PLEKHA7: variants seen among roughly 807,000 people sequenced by gnomAD.
PLEKHA7 encodes the protein pleckstrin homology domain containing A7.
Under a neutral mutation model 170.0 loss-of-function variants are expected in PLEKHA7, and 104 were observed. The observed-to-expected ratio is 0.61, with a 90% CI of 0.52 to 0.72. PLEKHA7 has a LOEUF of 0.72. PLEKHA7 is among the 30% of genes least tolerant of loss of function. The pLI, the probability that PLEKHA7 is intolerant of heterozygous loss-of-function variation, is 0.00. For missense variants in PLEKHA7, 1,615 were observed against 1,671.7 expected (o/e 0.97, Z 0.59); for synonymous variants, 648 against 660.8 (o/e 0.98, Z 0.30).
At chr11:16,839,106 A>G (rs891015731) in intron 9 of PLEKHA7, among the ~76,000 whole-genome samples, 1 of 152,188 alleles carries the variant, frequency 6.6e-6, no homozygotes, top group Non-Finnish European at 1.5e-5. Context: ...TAATACAAAA[A>G]TTTTAAATAC....
rs558754736 is a variant in PLEKHA7, at chr11:16,854,339, G to A, written c.522+550C>T. 1.7e-4 allele frequency among the ~76,000 whole-genome samples: 26 copies of A among 152,292 alleles called. 1 individual carries two copies. The South Asian group carries it at 5.2e-3, about 30-fold the overall frequency. Reference sequence around the variant, plus strand: ...CGGGGAAGGAGAATCTGGTGATAGTGCTGAGGTTTCTAACCTGAGTGCCTG... The same window carrying A: ...CGGGGAAGGAGAATCTGGTGATAGTACTGAGGTTTCTAACCTGAGTGCCTG... On this transcript the variant is annotated intron_variant, in intron 6 of 26. Coordinates refer to ENST00000531066, the MANE Select transcript of PLEKHA7 (RefSeq NM_001329630.2).
chr11:16,935,507 T>G (rs527951825), intron 3 of PLEKHA7, among the ~76,000 whole-genome samples: 1 of 152,354 alleles, frequency 6.6e-6, no homozygotes, highest in African/African-American at 2.4e-5. Context: ...TCTGGTGTCC[T>G]TTTAAAGGTA....
intron 3 of PLEKHA7, among the ~76,000 whole-genome samples, chr11:16,896,392 A>G (rs1295731253): frequency 1.3e-5 from 2 of 152,186 alleles, no homozygotes; most frequent in Admixed American, 6.5e-5. Context: ...ACCATCCCGC[A>G]CAATGAAAAG....
chr11:16,866,858 C>T (rs978168550), intron 4 of PLEKHA7, among the ~76,000 whole-genome samples: 5 of 152,100 alleles, frequency 3.3e-5, no homozygotes, highest in African/African-American at 7.2e-5. Flanking sequence ...GAGAAACCAT[C>T]GTTTGGAGGG....
chr11:16,980,021 T>C (rs1863327675), intron 3 of PLEKHA7, among the ~76,000 whole-genome samples: 1 of 152,040 alleles, frequency 6.6e-6, no homozygotes, highest in African/African-American at 2.4e-5. Flanking sequence ...GAGGCAAAAA[T>C]GGGTACGACC....
At chr11:16,795,851 C>CTTT (rs1179377641) in intron 17 of PLEKHA7, among the ~76,000 whole-genome samples, 2,621 of 93,034 alleles carry the variant, frequency 0.028, 66 homozygotes, top group Non-Finnish European at 0.035. Context: ...CAGTTTTTTC[C>CTTT]TTTTTTTTTT....
chr11:16,807,507 A>G (rs936966994), intron 13 of PLEKHA7, among the ~76,000 whole-genome samples: 1 of 152,088 alleles, frequency 6.6e-6, no homozygotes, highest in Middle Eastern at 3.2e-3. Flanking sequence ...TTTTTGTGGG[A>G]GTGCAATTTC....
chr11:16,933,361 G>C (rs1860074423), intron 3 of PLEKHA7, among the ~76,000 whole-genome samples: 1 of 152,200 alleles, frequency 6.6e-6, no homozygotes, highest in South Asian at 2.1e-4. Context: ...GAAAAGCAGG[G>C]AGATGAGCTA....
At position 17,002,989 on chromosome 11, in the gene PLEKHA7, C is replaced by CTTTTT. The variant is rs568718448; in HGVS notation, c.221+10995_221+10999dup. On this transcript the variant is annotated intron_variant, in intron 3 of 26. Transcript: ENST00000531066. ...CCTTTAAGTACCAGAATAGTTGTGC[C>CTTTTT]TTTTTTTTTTTTTTTTTTTTGTGAT... Among the ~76,000 whole-genome samples, 54 of 112,988 alleles carry CTTTTT rather than the reference C, an allele frequency of 4.8e-4. 5 individuals carry two copies. Among genetic ancestry groups the CTTTTT allele is most frequent in the Non-Finnish European group, 3.9e-4 (22 of 56,144 alleles). 74.1% of individuals were successfully genotyped at this position (112,988 alleles called of 152,430 possible). A position where few individuals can be genotyped will look rare whatever the true frequency, so the allele number is the denominator to read the frequency against.
At chr11:16,863,157 C>T (rs959069134) in intron 4 of PLEKHA7, among the ~76,000 whole-genome samples, 2 of 152,176 alleles carry the variant, frequency 1.3e-5, no homozygotes, top group Non-Finnish European at 2.9e-5. Context: ...CCATAATCAG[C>T]ACATGCCATA....
At chr11:16,780,530 C>A (rs1848943384) in intron 26 of PLEKHA7, among the ~76,000 whole-genome samples, 1 of 152,208 alleles carries the variant, frequency 6.6e-6, no homozygotes, top group South Asian at 2.1e-4. Context: ...TTTTCCCAAT[C>A]TTACAGTTCT....
At chr11:16,871,878 T>C (rs1310123294) in intron 3 of PLEKHA7, among the ~76,000 whole-genome samples, 1 of 152,162 alleles carries the variant, frequency 6.6e-6, no homozygotes, top group Non-Finnish European at 1.5e-5. Context: ...TAGAGACTGT[T>C]GGTTTGCTCC....
chr11:16,809,186 G>A (rs565849316), intron 13 of PLEKHA7, among the ~76,000 whole-genome samples: 1 of 152,188 alleles, frequency 6.6e-6, no homozygotes, highest in African/African-American at 2.4e-5. Context: ...CCCAAGAGCA[G>A]AGTGTCCCGT....
chr11:16,861,973 T>C (rs1232767327), intron 4 of PLEKHA7, among the ~76,000 whole-genome samples: 1 of 151,876 alleles, frequency 6.6e-6, no homozygotes, highest in Admixed American at 6.6e-5. Context: ...AAAGCTCTTA[T>C]CCCAAACAGG....
At chr11:16,965,734 G>A (rs1299189034) in intron 3 of PLEKHA7, among the ~76,000 whole-genome samples, 1 of 152,182 alleles carries the variant, frequency 6.6e-6, no homozygotes, top group Non-Finnish European at 1.5e-5. Context: ...AGGCAAATTA[G>A]GTCATTTCTT....
chr11:16,826,665 C>A, intron 9 of PLEKHA7, 75 bp from the exon 10 acceptor site: 1 of 1,324,668 alleles, frequency 7.5e-7, no homozygotes, highest in East Asian at 2.3e-5. Context: ...CACTCAATCA[C>A]CTGCAGGCCT....
chr11:16,831,796 G>A (rs1289081328), intron 9 of PLEKHA7, among the ~76,000 whole-genome samples: 1 of 152,144 alleles, frequency 6.6e-6, no homozygotes, highest in Admixed American at 6.5e-5. Context: ...AGGATTAATG[G>A]TGCACAGAAA....
rs886418504 is a variant in PLEKHA7 at position 16,856,037 on chromosome 11, G to A, written c.306-123C>T. The A allele has an allele frequency of 2.2e-5, 17 of 764,174 alleles. No individual in the cohort carries two copies. The African/African-American group carries it at 3.0e-4, about 13-fold the overall frequency. The allele number at this position is 764,174 out of a possible 1,614,324, so 47.3% of individuals were successfully genotyped here. ...AGAACAACCCAACCCTGATTGTTTG[G>A]AGGCTGCCTGACTCCAGACTGCAGC... On this transcript the variant is annotated intron_variant, in intron 4 of 26. Coordinates refer to ENST00000531066, the MANE Select transcript of PLEKHA7 (RefSeq NM_001329630.2).
intron 3 of PLEKHA7, among the ~76,000 whole-genome samples, chr11:16,888,959 T>C (rs1411897870): frequency 3.7e-5 from 1 of 27,150 alleles, no homozygotes; most frequent in Non-Finnish European, 8.7e-5. Flanking sequence ...AAAAAAAAAA[T>C]TAGCCAGTGT....
Sources: allele counts gnomAD v4.1 joint callset (sites outside exome capture counted in the v4.1 genomes callset), GRCh38; gene constraint gnomAD v4.1.1; transcripts MANE v1.5; gene names NCBI Gene and HGNC (gene_info 2026-07-23, HGNC 2026-07-21).